Variants in SNTB1 observed in about 807,000 individuals in gnomAD.
SNTB1 encodes the protein beta-1-syntrophin.
A neutral mutation model predicts 48.9 loss-of-function variants in SNTB1; 36 were observed. That is an observed-to-expected ratio of 0.74 (90% CI 0.56 to 0.97). The LOEUF (loss-of-function observed/expected upper bound fraction) is 0.97. Among genes scored for constraint, SNTB1 ranks in the 50% least tolerant of loss-of-function variants. SNTB1 has a pLI of 0.00. For synonymous variants in SNTB1, 299 were observed against 294.6 expected (o/e 1.01, Z -0.15); for missense variants, 786 against 703.4 (o/e 1.12, Z -1.33).
At chr8:120,622,110 C>T (rs1034915741) in intron 3 of SNTB1, among the ~76,000 whole-genome samples, 21 of 152,152 alleles carry the variant, frequency 1.4e-4, no homozygotes, top group Non-Finnish European at 1.5e-5. Context: ...GGCAGGGTTA[C>T]AAGCTGCGGG....
intron 1 of SNTB1, among the ~76,000 whole-genome samples, chr8:120,808,557 T>C (rs1203463589): frequency 6.6e-6 from 1 of 152,264 alleles, no homozygotes; most frequent in Non-Finnish European, 1.5e-5. Flanking sequence ...AACTAACTAC[T>C]TCCAGCGGAT....
chr8:120,726,630 G>A (rs900652815), intron 1 of SNTB1, among the ~76,000 whole-genome samples: 5 of 152,060 alleles, frequency 3.3e-5, no homozygotes, highest in African/African-American at 1.2e-4. Flanking sequence ...ATGGTACATG[G>A]GAAAAAAATA....
intron 2 of SNTB1, among the ~76,000 whole-genome samples, chr8:120,685,269 A>G (rs1818010273): frequency 6.6e-6 from 1 of 152,116 alleles, no homozygotes; most frequent in Non-Finnish European, 1.5e-5. Flanking sequence ...CCTAGTGGAC[A>G]TTGCCCTAGT....
intron 2 of SNTB1, chr8:120,637,837 C>A: frequency 3.6e-6 from 1 of 280,848 alleles, no homozygotes; most frequent in Non-Finnish European, 7.2e-6. Flanking sequence ...CAAAAGGTTT[C>A]TTTTGACATC....
chr8:120,764,470 C>G (rs1236192598), intron 1 of SNTB1, among the ~76,000 whole-genome samples: 1 of 152,186 alleles, frequency 6.6e-6, no homozygotes, highest in Non-Finnish European at 1.5e-5. Flanking sequence ...ACAGTGGTTA[C>G]TTCTAAAGAC....
intron 4 of SNTB1, among the ~76,000 whole-genome samples, chr8:120,561,159 C>A (rs1815648381): frequency 6.6e-6 from 1 of 151,702 alleles, no homozygotes; most frequent in Non-Finnish European, 1.5e-5. Flanking sequence ...GAAACCCCAT[C>A]TCTACTAAAA....
chr8:120,560,950 A>G (rs1054696250), intron 4 of SNTB1, among the ~76,000 whole-genome samples: 8 of 152,174 alleles, frequency 5.3e-5, no homozygotes, highest in Non-Finnish European at 8.8e-5. Context: ...ACCCACGGCT[A>G]TATGACTACA....
At chr8:120,755,588 G>A (rs575658044) in intron 1 of SNTB1, among the ~76,000 whole-genome samples, 3 of 152,230 alleles carry the variant, frequency 2.0e-5, no homozygotes, top group South Asian at 4.1e-4. Context: ...CTCATAAGAC[G>A]AGGAACTTCC....
chr8:120,712,846 T>C (rs898848907), intron 1 of SNTB1, among the ~76,000 whole-genome samples: 1 of 152,202 alleles, frequency 6.6e-6, no homozygotes, highest in Non-Finnish European at 1.5e-5. Flanking sequence ...CAACTTCTTA[T>C]GCTGCACAGT....
At chr8:120,581,233 C>A (rs1244113666) in intron 3 of SNTB1, among the ~76,000 whole-genome samples, 2 of 152,156 alleles carry the variant, frequency 1.3e-5, no homozygotes, top group South Asian at 4.1e-4. Flanking sequence ...GGAGCCTCAG[C>A]TTTCTAGGAC....
chr8:120,708,161 G>A (rs1340219538), intron 1 of SNTB1, among the ~76,000 whole-genome samples: 1 of 151,428 alleles, frequency 6.6e-6, no homozygotes, highest in Non-Finnish European at 1.5e-5. Flanking sequence ...CAGTTTTATG[G>A]TAATAAGTTT....
intron 2 of SNTB1, among the ~76,000 whole-genome samples, chr8:120,672,136 GT>G (rs142203251): frequency 0.022 from 3,275 of 152,260 alleles, 109 homozygotes; most frequent in African/African-American, 0.074. Flanking sequence ...GTAGGCTAAT[GT>G]AAGTGTTCTG....
chr8:120,797,544 CTCTTTTTTTTTTTT>C (rs1820140215), intron 1 of SNTB1, among the ~76,000 whole-genome samples: 1 of 68,498 alleles, frequency 1.5e-5, no homozygotes, highest in African/African-American at 5.1e-5. Flanking sequence ...CAACTTGTTT[CTCTTTTTTTTTTTT>C]TTTTTTTTTT....
At chr8:120,773,684 C>T (rs1819680262) in intron 1 of SNTB1, among the ~76,000 whole-genome samples, 1 of 152,200 alleles carries the variant, frequency 6.6e-6, no homozygotes, top group African/African-American at 2.4e-5. Context: ...CCCAAACCCA[C>T]TGTGTGATTA....
At chr8:120,781,988 T>C (rs1819836318) in intron 1 of SNTB1, among the ~76,000 whole-genome samples, 1 of 152,168 alleles carries the variant, frequency 6.6e-6, no homozygotes, top group Admixed American at 6.5e-5. Flanking sequence ...ACAATGGAAT[T>C]TTACTGTCTC....
chr8:120,796,039 G>C (rs1820114463), intron 1 of SNTB1, among the ~76,000 whole-genome samples: 1 of 151,994 alleles, frequency 6.6e-6, no homozygotes, highest in Non-Finnish European at 1.5e-5. Context: ...GGTTGGACTA[G>C]GGTCCTGGTG....
rs190418676 is a variant in SNTB1, at chr8:120,730,284, C to T, written c.572-36376G>A. On this transcript the variant is annotated intron_variant, in intron 1 of 6. Coordinates refer to ENST00000517992, the MANE Select transcript of SNTB1 (RefSeq NM_021021.4). ...AAGTGATTCTTCTGTCTCAGCCTCC[C>T]GAGTAGCTGGGATTTCAGGTGCACG... 6.5e-3 allele frequency among the ~76,000 whole-genome samples: 990 copies of T among 152,174 alleles called. 10 individuals are homozygous for T. Among genetic ancestry groups the T allele is most frequent in the African/African-American group, 0.018 (734 of 41,526 alleles).
chr8:120,737,850 G>A (rs753911627), intron 1 of SNTB1, among the ~76,000 whole-genome samples: 9 of 152,076 alleles, frequency 5.9e-5, no homozygotes, highest in Non-Finnish European at 1.2e-4. Context: ...CATATAAGTG[G>A]CTGAGCCAAT....
At chr8:120,649,437 C>A (rs1333684979) in intron 2 of SNTB1, among the ~76,000 whole-genome samples, 2 of 140,090 alleles carry the variant, frequency 1.4e-5, no homozygotes, top group Non-Finnish European at 3.1e-5. Context: ...TGTGAGGTGT[C>A]AGTGTGCCCC....
Sources: gnomAD v4.1 joint callset for allele counts (sites outside exome capture counted in the v4.1 genomes callset) on GRCh38, gnomAD v4.1.1 for gene constraint, MANE v1.5 for transcripts, NCBI Gene and HGNC (gene_info 2026-07-23, HGNC 2026-07-21) for gene names.